ATF1: variants seen among roughly 807,000 people sequenced by gnomAD.
The protein encoded by ATF1 is activating transcription factor 1.
A neutral mutation model predicts 34.7 loss-of-function variants in ATF1; 16 were observed. The observed-to-expected ratio is 0.46, with a 90% CI of 0.31 to 0.70. The LOEUF (loss-of-function observed/expected upper bound fraction) is 0.70, where lower values mean the gene tolerates loss of function less well. Among genes scored for constraint, ATF1 ranks in the 30% least tolerant of loss-of-function variants. The pLI is 0.05. For synonymous variants in ATF1, 105 were observed against 113.1 expected, an observed-to-expected ratio of 0.93 and a Z score of 0.46; for missense variants, 255 against 321.6, an observed-to-expected ratio of 0.79 and a Z score of 1.58.
chr12:50,771,120 C>G (rs2099475314), intron 1 of ATF1, among the ~76,000 whole-genome samples: 1 of 152,120 alleles, frequency 6.6e-6, no homozygotes, highest in South Asian at 2.1e-4. Context: ...ATTCTCCTGC[C>G]TCAGCCTCCC....
chr12:50,789,071 GT>G (rs1395066889), intron 2 of ATF1, among the ~76,000 whole-genome samples: 1 of 151,384 alleles, frequency 6.6e-6, no homozygotes, highest in Non-Finnish European at 1.5e-5. Flanking sequence ...ATTAAATGAG[GT>G]TTTTTTTGTT....
intron 2 of ATF1, among the ~76,000 whole-genome samples, chr12:50,793,502 G>A (rs1379800921): frequency 6.6e-6 from 1 of 152,012 alleles, no homozygotes; most frequent in East Asian, 1.9e-4. Context: ...GCAGGTGCCT[G>A]TAATCCCAGC....
intron 2 of ATF1, among the ~76,000 whole-genome samples, chr12:50,792,968 C>T (rs1825125149): frequency 6.6e-6 from 1 of 152,052 alleles, no homozygotes; most frequent in Admixed American, 6.6e-5. Context: ...TCCTAGATTC[C>T]TTTTCTTTCT....
intron 1 of ATF1, among the ~76,000 whole-genome samples, chr12:50,768,574 C>T (rs1940695703): frequency 6.6e-6 from 1 of 152,172 alleles, no homozygotes; most frequent in South Asian, 2.1e-4. Flanking sequence ...AAAAATCTTA[C>T]AACCACTGTT....
chr12:50,773,026 G>A (rs1380424623), intron 1 of ATF1, among the ~76,000 whole-genome samples: 1 of 152,168 alleles, frequency 6.6e-6, no homozygotes, highest in African/African-American at 2.4e-5. Context: ...AGTGTTTGAT[G>A]TTCTGTTCCT....
intron 2 of ATF1, among the ~76,000 whole-genome samples, chr12:50,781,525 A>G (rs187497353): frequency 1.3e-5 from 2 of 152,144 alleles, no homozygotes; most frequent in African/African-American, 4.8e-5. Flanking sequence ...ATCTCGGGTC[A>G]CTACAACCTC....
At chr12:50,808,489 C>T (rs544228116) in intron 3 of ATF1, among the ~76,000 whole-genome samples, 16 of 151,624 alleles carry the variant, frequency 1.1e-4, no homozygotes, top group Admixed American at 4.6e-4. Context: ...CCACCATGTC[C>T]AGCTAATTAT....
At position 50,815,384 on chromosome 12, in the gene ATF1, T is replaced by C. The variant is rs117592083; in HGVS notation, c.671+945T>C. On this transcript the variant is annotated intron_variant, in intron 6 of 6. Transcript: ENST00000262053. ...CAAAAAGTAGAAAAGTTATATTTGG[T>C]TTTTGTGATTTTTTTTTTTAAGACA... Among the ~76,000 whole-genome samples the C allele has an allele frequency of 1.6e-3, 236 of 151,924 alleles. 3 individuals carry two copies. Among genetic ancestry groups the C allele is most frequent in the East Asian group, 0.011 (57 of 5,178 alleles).
At chr12:50,763,931 A>C (rs1034641059), upstream of ATF1, 1 of 152,286 alleles carries the variant, frequency 6.6e-6, no homozygotes. Flanking sequence ...ACAAGTCAGG[A>C]CCGCGTACAA....
intron 1 of ATF1, among the ~76,000 whole-genome samples, chr12:50,777,455 A>G (rs918100994): frequency 6.6e-6 from 1 of 152,164 alleles, no homozygotes; most frequent in African/African-American, 2.4e-5. Flanking sequence ...ATTGACTAAA[A>G]ACAAGAGCTT....
rs533830719 is a variant in ATF1, at chr12:50,805,767, T to C, written c.195-3689T>C. On this transcript the variant is annotated intron_variant, in intron 3 of 6. Transcript: ENST00000262053. ...AACACTCCCATCTTTACACTGAATT[T>C]GGAGTTTTCAGGTCTTGCTCTTAAG... Among the ~76,000 whole-genome samples the C allele has an allele frequency of 2.0e-5, 3 of 152,204 alleles. No individual in the cohort carries two copies. In the South Asian group the frequency reaches 6.2e-4, roughly 32 times the overall value.
intron 1 of ATF1, among the ~76,000 whole-genome samples, chr12:50,768,717 C>T (rs1245978473): frequency 1.3e-5 from 2 of 152,026 alleles, no homozygotes; most frequent in African/African-American, 4.8e-5. Context: ...ATAACTAATG[C>T]CTTTTAGTTC....
At position 50,778,977 on chromosome 12, in the gene ATF1, T is replaced by A. The variant is rs375878304; in HGVS notation, c.-6-1163T>A. On this transcript the variant is annotated intron_variant, in intron 1 of 6. Transcript: ENST00000262053. ...TCTACTTCCTGTTTCTGTGGAGTTT[T>A]GCTACTCTAGATACGTCAAGTTAGT... Among the ~76,000 whole-genome samples, 180 of 152,336 alleles carry A rather than the reference T, an allele frequency of 1.2e-3. 1 individual carries two copies. The highest frequency in any genetic ancestry group is 8.7e-3 in the South Asian group (42 of 4,824).
chr12:50,811,931 G>A (rs1941745772), intron 4 of ATF1, among the ~76,000 whole-genome samples: 1 of 152,218 alleles, frequency 6.6e-6, no homozygotes, highest in Admixed American at 6.5e-5. Context: ...GGGCAACATA[G>A]GCCAATAGAA....
intron 1 of ATF1, among the ~76,000 whole-genome samples, chr12:50,766,561 T>G (rs1940641106): frequency 6.6e-6 from 1 of 151,890 alleles, no homozygotes; most frequent in South Asian, 2.1e-4. Flanking sequence ...ATTTTGCAGG[T>G]TAGTTACATA....
intron 2 of ATF1, 21 bp from the exon 3 acceptor site, chr12:50,795,884 CATGT>C: frequency 6.4e-7 from 1 of 1,564,960 alleles, no homozygotes. Context: ...CATTGTTCAT[CATGT>C]TAATGCCAGT....
chr12:50,807,802 GT>G (rs60898769), intron 3 of ATF1, among the ~76,000 whole-genome samples: 126,904 of 141,844 alleles, frequency 0.89, 57,268 homozygotes, highest in Non-Finnish European at 0.97. Flanking sequence ...TTGTGTGTGT[GT>G]TTTTTTTTTG....
chr12:50,785,316 C>T (rs1309393559), intron 2 of ATF1, among the ~76,000 whole-genome samples: 1 of 142,344 alleles, frequency 7.0e-6, no homozygotes, highest in African/African-American at 3.0e-5. Context: ...CACACACACA[C>T]ACACACACAC....
intron 1 of ATF1, among the ~76,000 whole-genome samples, chr12:50,776,303 G>GAA (rs1940921684): frequency 6.7e-6 from 1 of 149,094 alleles, no homozygotes; most frequent in South Asian, 2.1e-4. Flanking sequence ...GTGACAGAGT[G>GAA]AGACTCTGTC....
Sources: gnomAD v4.1 joint callset for allele counts (sites outside exome capture counted in the v4.1 genomes callset) on GRCh38, gnomAD v4.1.1 for gene constraint, MANE v1.5 for transcripts, NCBI Gene and HGNC (gene_info 2026-07-23, HGNC 2026-07-21) for gene names.